Variants in ATP2A2 observed in about 807,000 individuals in gnomAD.
The protein encoded by ATP2A2 is ATPase sarcoplasmic/endoplasmic reticulum Ca2+ transporting 2.
In ATP2A2, 14 loss-of-function variants were observed where a neutral mutation model predicts 109.3. That is an observed-to-expected ratio of 0.13 (90% CI 0.08 to 0.20). The LOEUF is 0.20. Ranked by LOEUF, ATP2A2 falls within the 10% of genes least tolerant of loss-of-function variation. The pLI is 1.00. For missense variants in ATP2A2, 657 were observed against 1,321.6 expected (o/e 0.50, Z 7.80); for synonymous variants, 506 against 490.9 (o/e 1.03, Z -0.41).
At chr12:110,291,245 C>G (rs1873254961) in intron 3 of ATP2A2, among the ~76,000 whole-genome samples, 1 of 151,636 alleles carries the variant, frequency 6.6e-6, no homozygotes, top group Non-Finnish European at 1.5e-5. Context: ...GCTCTGTTGC[C>G]CAGGCTGGAG....
intron 5 of ATP2A2, among the ~76,000 whole-genome samples, chr12:110,297,453 CAG>C (rs965081078): frequency 1.4e-5 from 2 of 140,590 alleles, no homozygotes; most frequent in African/African-American, 2.7e-5. Context: ...AAAAAAAAAA[CAG>C]TATGCTTAAA....
chr12:110,309,488 A>G (rs1211263001), intron 5 of ATP2A2, among the ~76,000 whole-genome samples: 1 of 152,132 alleles, frequency 6.6e-6, no homozygotes, highest in Non-Finnish European at 1.5e-5. Context: ...TTGCTATACC[A>G]GCTAATCATT....
chr12:110,313,569 C>T (rs918106004), intron 5 of ATP2A2, among the ~76,000 whole-genome samples: 90 of 151,216 alleles, frequency 6.0e-4, no homozygotes, highest in African/African-American at 2.0e-3. Context: ...TCTGCCTTGG[C>T]CTCCCAAAGT....
At chr12:110,334,744 C>T (rs1305910251) in intron 11 of ATP2A2, among the ~76,000 whole-genome samples, 4 of 152,058 alleles carry the variant, frequency 2.6e-5, no homozygotes, top group Non-Finnish European at 4.4e-5. Context: ...CACGCCACCA[C>T]GCCTGGCTAA....
Position 110,341,000 on chromosome 12 carries a change from C to T in ATP2A2, c.2097+6C>T, listed in dbSNP as rs1283330061. ...TTGATGAGATTACAGCTATGGTGAG[C>T]ATGTTTGAACATGTACAGGTGACTC... On this transcript the variant is annotated splice_donor_region_variant and intron_variant, in intron 14 of 19. Coordinates refer to ENST00000539276, the MANE Select transcript of ATP2A2 (RefSeq NM_170665.4). This position sits in a 1 kb window ranked among gnomAD's most constrained non-coding sequence, Gnocchi z 6.0. The T allele has an allele frequency of 6.2e-7, 1 of 1,613,456 alleles. No individual in the cohort carries two copies. Among genetic ancestry groups the T allele is most frequent in the Non-Finnish European group, 8.5e-7 (1 of 1,179,534 alleles).
At chr12:110,307,898 T>G (rs550072302) in intron 5 of ATP2A2, among the ~76,000 whole-genome samples, 5 of 152,356 alleles carry the variant, frequency 3.3e-5, no homozygotes, top group African/African-American at 1.2e-4. Context: ...TTTTGAGGCT[T>G]AGTCATAAAT....
intron 5 of ATP2A2, among the ~76,000 whole-genome samples, chr12:110,309,170 T>TC: frequency 8.1e-6 from 1 of 123,874 alleles, no homozygotes; most frequent in Non-Finnish European, 1.7e-5. Context: ...TTTTTTTTTT[T>TC]TTTTTGAGAT....
In ATP2A2 at chr12:110,309,612, C is replaced by G. The variant is rs559633935; in HGVS notation, c.463+12875C>G. On this transcript the variant is annotated intron_variant, in intron 5 of 19. Transcript: ENST00000539276. ...CAAATAAAAACATGGAGAAAATAAC[C>G]CGCACATAGGCTGTGCTCAGTGGCT... Among the ~76,000 whole-genome samples, 3 of 151,972 alleles carry G rather than the reference C, an allele frequency of 2.0e-5. 1 individual carries two copies. The South Asian group carries it at 6.2e-4, about 32-fold the overall frequency.
At chr12:110,299,783 G>A (rs1350863354) in intron 5 of ATP2A2, among the ~76,000 whole-genome samples, 1 of 151,970 alleles carries the variant, frequency 6.6e-6, no homozygotes, top group African/African-American at 2.4e-5. Context: ...CCATGTACCT[G>A]GCTAAGTTTT....
chr12:110,299,774 C>A (rs567478654), intron 5 of ATP2A2, among the ~76,000 whole-genome samples: 42 of 152,250 alleles, frequency 2.8e-4, no homozygotes, highest in African/African-American at 9.6e-4. Context: ...CATGAGCCAC[C>A]ATGTACCTGG....
Position 110,281,424 on chromosome 12 carries a change from C to T in ATP2A2, c.-366C>T, listed in dbSNP as rs1872070151. 1 of 152,728 alleles carries T rather than the reference C, an allele frequency of 6.5e-6. No individual in the cohort carries two copies. Among genetic ancestry groups the T allele is most frequent in the South Asian group, 2.0e-4 (1 of 4,886 alleles). The allele number at this position is 152,728 out of a possible 1,614,324, so 9.5% of individuals were successfully genotyped here. On this transcript the variant is annotated 5_prime_UTR_variant, in exon 1 of 20. Coordinates refer to ENST00000539276, the MANE Select transcript of ATP2A2 (RefSeq NM_170665.4). ...CTCAGTGGTCTGCCGGGCGCCCCCT[C>T]CTCCGGCCCGGGCGGGGCCTCTGAT...
chr12:110,301,418 C>T (rs1415789789), intron 5 of ATP2A2, among the ~76,000 whole-genome samples: 2 of 152,196 alleles, frequency 1.3e-5, no homozygotes, highest in Non-Finnish European at 2.9e-5. Flanking sequence ...TTTTGTAAGA[C>T]ACTCTAACCT....
At chr12:110,292,640 C>T (rs1210336560) in intron 4 of ATP2A2, among the ~76,000 whole-genome samples, 3 of 152,124 alleles carry the variant, frequency 2.0e-5, no homozygotes, top group Non-Finnish European at 4.4e-5. Flanking sequence ...GCTCATTCTT[C>T]GCCAAGTGTG....
chr12:110,323,235 AGTGCAGTGGCGTGATTGC>A (rs1255136820), intron 6 of ATP2A2, among the ~76,000 whole-genome samples, 163 bp downstream of exon 6: 2 of 152,174 alleles, frequency 1.3e-5, no homozygotes, highest in Non-Finnish European at 2.9e-5. Flanking sequence ...CCCAGGCTGG[AGTGCAGTGGCGTGATTGC>A]GGCTCACTGC....
At chr12:110,295,353 T>A (rs1034855249) in intron 4 of ATP2A2, among the ~76,000 whole-genome samples, 3 of 151,982 alleles carry the variant, frequency 2.0e-5, no homozygotes, top group Admixed American at 6.6e-5. Context: ...GTAGAGACAC[T>A]GTCTCGTTAT....
At chr12:110,312,071 C>T (rs982352905) in intron 5 of ATP2A2, among the ~76,000 whole-genome samples, 5 of 151,862 alleles carry the variant, frequency 3.3e-5, no homozygotes, top group Admixed American at 1.3e-4. Context: ...CCCTGCTTCT[C>T]GGGAGGCTGA....
intron 11 of ATP2A2, among the ~76,000 whole-genome samples, chr12:110,335,535 A>G (rs1168681474): frequency 6.6e-6 from 1 of 152,234 alleles, no homozygotes; most frequent in African/African-American, 2.4e-5. Context: ...TAAGGCCTGA[A>G]GTGGCTAAAC....
chr12:110,311,561 A>C (rs1005843884), intron 5 of ATP2A2, among the ~76,000 whole-genome samples: 1 of 126,682 alleles, frequency 7.9e-6, no homozygotes, highest in Non-Finnish European at 1.6e-5. Flanking sequence ...GCGCCACTGC[A>C]CTCCAGCCTG....
intron 8 of ATP2A2, chr12:110,329,922 C>T (rs1878181488): frequency 6.6e-6 from 1 of 152,148 alleles, no homozygotes; most frequent in African/African-American, 2.4e-5. Context: ...ACATTTGTCA[C>T]ATATTTTATT....
Sources: allele counts gnomAD v4.1 joint callset (sites outside exome capture counted in the v4.1 genomes callset), GRCh38; gene constraint gnomAD v4.1.1; non-coding constraint Gnocchi (gnomAD v3.1); transcripts MANE v1.5; gene names NCBI Gene and HGNC (gene_info 2026-07-23, HGNC 2026-07-21).